Variants in DUSP11 observed in about 807,000 individuals in gnomAD.
DUSP11 encodes RNA/RNP complex-1-interacting phosphatase.
Under a neutral mutation model 41.4 loss-of-function variants are expected in DUSP11, and 27 were observed. The ratio of observed to expected loss-of-function variants is 0.65; its 90% CI spans 0.48 to 0.90. The LOEUF is 0.90. DUSP11 is among the 40% of genes least tolerant of loss of function. The pLI is 0.00. For synonymous variants in DUSP11, 188 were observed against 159.3 expected (o/e 1.18, Z -1.35); for missense variants, 465 against 461.1 (o/e 1.01, Z -0.08).
chr2:73,767,575 G>C (rs1672490353), intron 5 of DUSP11: 1 of 165,198 alleles, frequency 6.1e-6, no homozygotes, highest in African/African-American at 2.4e-5. Context: ...AAGACAAATT[G>C]GGAAAAATAT....
intron 5 of DUSP11, chr2:73,768,421 G>A: frequency 2.0e-6 from 2 of 980,594 alleles, no homozygotes; most frequent in Non-Finnish European, 2.4e-6. Flanking sequence ...TAGATGCTCA[G>A]GAGATATTTT....
At chr2:73,768,845 A>G in intron 5 of DUSP11, 1 of 181,016 alleles carries the variant, frequency 5.5e-6, no homozygotes, top group Non-Finnish European at 1.1e-5. Flanking sequence ...AGTCCCAGCT[A>G]CTTGGGAGGC....
chr2:73,773,992 G>C, intron 3 of DUSP11, 69 bp from the exon 4 acceptor site: 1 of 1,297,168 alleles, frequency 7.7e-7, no homozygotes, highest in South Asian at 1.7e-5. Flanking sequence ...AGTAATTAGG[G>C]GACCCAGAAT....
chr2:73,770,562 C>G (rs1280124232), intron 4 of DUSP11, among the ~76,000 whole-genome samples: 2 of 151,888 alleles, frequency 1.3e-5, no homozygotes, highest in African/African-American at 2.4e-5. Context: ...CATCGCCAGC[C>G]TGGATTACTA....
intron 7 of DUSP11, 36 bp downstream of exon 7, chr2:73,766,792 G>T: frequency 6.5e-7 from 1 of 1,527,356 alleles, no homozygotes; most frequent in South Asian, 1.1e-5. Flanking sequence ...AGATCTCCCT[G>T]ACCCACAAAT....
intron 5 of DUSP11, chr2:73,769,041 TCTAA>T (rs1398930409): frequency 3.2e-5 from 13 of 410,960 alleles, no homozygotes; most frequent in Middle Eastern, 1.2e-3. Context: ...AAACAGAATG[TCTAA>T]CTATTATACC....
At chr2:73,762,665 T>C in exon 9 of DUSP11, 1 of 1,610,778 alleles carries the variant, frequency 6.2e-7, no homozygotes, top group Non-Finnish European at 8.5e-7. Context: ...TTTGTATCAC[T>C]GGGTCCATTC....
intron 4 of DUSP11, among the ~76,000 whole-genome samples, chr2:73,772,477 T>A (rs1672601559): frequency 6.6e-6 from 1 of 152,214 alleles, no homozygotes; most frequent in Non-Finnish European, 1.5e-5. Flanking sequence ...GAGTTCAGTC[T>A]ATCCAACTGA....
intron 6 of DUSP11, 121 bp downstream of exon 6, chr2:73,767,040 C>T: frequency 7.9e-7 from 1 of 1,258,442 alleles, no homozygotes; most frequent in Non-Finnish European, 1.2e-6. Context: ...TTTGGCAAGA[C>T]TATCTTATAT....
At chr2:73,765,846 T>C (rs904469403) in intron 8 of DUSP11, among the ~76,000 whole-genome samples, 2 of 152,220 alleles carry the variant, frequency 1.3e-5, no homozygotes, top group African/African-American at 4.8e-5. Context: ...AGATCCTTTT[T>C]GATAGCCACA....
At chr2:73,771,419 G>A (rs1672570241) in intron 4 of DUSP11, among the ~76,000 whole-genome samples, 2 of 152,146 alleles carry the variant, frequency 1.3e-5, no homozygotes, top group South Asian at 4.1e-4. Context: ...GTTGTCTCCT[G>A]TCAGGCCTTC....
At chr2:73,763,244 A>G (rs987192377) in intron 8 of DUSP11, among the ~76,000 whole-genome samples, 3 of 152,242 alleles carry the variant, frequency 2.0e-5, no homozygotes, top group Admixed American at 1.3e-4. Context: ...CAGGGTTGAC[A>G]TAAGACAGAA....
intron 8 of DUSP11, among the ~76,000 whole-genome samples, chr2:73,763,864 T>TCA (rs1406262771): frequency 2.6e-5 from 4 of 152,208 alleles, no homozygotes; most frequent in Non-Finnish European, 5.9e-5. Flanking sequence ...GACTGTTGAA[T>TCA]CACAGCCTAT....
intron 8 of DUSP11, among the ~76,000 whole-genome samples, chr2:73,765,453 C>T (rs1441687156): frequency 6.6e-6 from 1 of 152,202 alleles, no homozygotes; most frequent in Non-Finnish European, 1.5e-5. Context: ...ACCAGCTTCC[C>T]TGGTTCTCCA....
In DUSP11 at chr2:73,775,863, TTAAAA is replaced by T. The variant is rs1558535255; in HGVS notation, c.319-824_319-820del. ...AGTGACTCCATCTCAAAAAAAAAAT[TTAAAA>T]AAAAAAAAAAAAAAAAAAAAGAGAT... On this transcript the variant is annotated intron_variant, in intron 2 of 8. Transcript: ENST00000272444. Among the ~76,000 whole-genome samples, 8 of 101,478 alleles carry T rather than the reference TTAAAA, an allele frequency of 7.9e-5. 1 individual carries two copies. The highest frequency in any genetic ancestry group is 2.5e-4 in the Admixed American group (2 of 8,162). 66.6% of individuals were successfully genotyped at this position (101,478 alleles called of 152,430 possible).
At chr2:73,779,917 G>A (rs1397195796) in exon 1 of DUSP11, 4 of 1,614,218 alleles carry the variant, frequency 2.5e-6, no homozygotes, top group Non-Finnish European at 3.4e-6. Context: ...GCTGAGGAGC[G>A]TCCTGAAAAG....
chr2:73,769,095 C>A, intron 5 of DUSP11, 170 bp downstream of exon 5: 1 of 549,964 alleles, frequency 1.8e-6, no homozygotes, highest in Non-Finnish European at 3.2e-6. Flanking sequence ...TTTTTAGAGT[C>A]TGAAAAGATG....
At position 73,774,907 on chromosome 2, in the gene DUSP11, A is replaced by G; in HGVS notation, c.450+6T>C. 2 of 1,552,254 alleles carry G rather than the reference A, an allele frequency of 1.3e-6. No homozygotes were observed. The highest frequency in any genetic ancestry group is 1.7e-6 in the Non-Finnish European group (2 of 1,148,914). ...AAAGTTCTTTTCATTGAAGGGTTCC[A>G]CTTACCTCTGGTTTATAATAGCGTT... On this transcript the variant is annotated splice_donor_region_variant and intron_variant, in intron 3 of 8. Coordinates refer to ENST00000272444, the Ensembl canonical transcript of DUSP11.
chr2:73,766,442 G>T (rs1458711806), exon 8 of DUSP11: 1 of 1,612,424 alleles, frequency 6.2e-7, no homozygotes. Flanking sequence ...CAAACTTTGG[G>T]TCTGGGTGTG....
Sources: allele counts gnomAD v4.1 joint callset (sites outside exome capture counted in the v4.1 genomes callset), GRCh38; gene constraint gnomAD v4.1.1; transcripts MANE v1.5; gene names NCBI Gene and HGNC (gene_info 2026-07-23, HGNC 2026-07-21).